Variants in CUX2 observed in about 807,000 individuals in gnomAD.
CUX2 encodes the protein homeobox protein cut-like 2.
In CUX2, 40 loss-of-function variants were observed where a neutral mutation model predicts 144.8. The observed-to-expected ratio is 0.28, with a 90% CI of 0.21 to 0.36. The LOEUF is 0.36. Ranked by LOEUF, CUX2 falls within the 10% of genes least tolerant of loss-of-function variation. The pLI, the probability that CUX2 is intolerant of heterozygous loss-of-function variation, is 1.00. For missense variants in CUX2, 1,615 were observed against 1,994.0 expected, an observed-to-expected ratio of 0.81 and a Z score of 3.62; for synonymous variants, 827 against 875.6, an observed-to-expected ratio of 0.94 and a Z score of 0.98.
intron 4 of CUX2, among the ~76,000 whole-genome samples, chr12:111,276,926 C>T (rs12313485): frequency 0.084 from 12,740 of 152,168 alleles, 1,161 homozygotes; most frequent in African/African-American, 0.23. Context: ...GGATTACAGG[C>T]GTGAGCCACC....
chr12:111,070,028 C>T (rs978744653), intron 1 of CUX2, among the ~76,000 whole-genome samples: 2 of 152,134 alleles, frequency 1.3e-5, no homozygotes, highest in African/African-American at 4.8e-5. Context: ...TGGGGGATGC[C>T]GGCCTGGGAG....
intron 21 of CUX2, among the ~76,000 whole-genome samples, chr12:111,344,066 A>C (rs1434804711): frequency 2.6e-5 from 4 of 152,192 alleles, no homozygotes. Flanking sequence ...CAGATAAATA[A>C]ATAAAATAAA....
chr12:111,326,275 T>C (rs1407021790), intron 18 of CUX2, among the ~76,000 whole-genome samples: 1 of 33,084 alleles, frequency 3.0e-5, no homozygotes, highest in Non-Finnish European at 4.9e-5. Context: ...TATAGTGTTG[T>C]GTTGGGGGAG....
intron 1 of CUX2, among the ~76,000 whole-genome samples, chr12:111,212,740 GTTCC>G (rs763453282): frequency 1.6e-4 from 24 of 152,140 alleles, no homozygotes; most frequent in Non-Finnish European, 3.2e-4. Flanking sequence ...AGAAATAGAA[GTTCC>G]TTCTTGGATT....
intron 1 of CUX2, among the ~76,000 whole-genome samples, chr12:111,209,829 G>T (rs1359765628): frequency 6.6e-6 from 1 of 152,162 alleles, no homozygotes; most frequent in African/African-American, 2.4e-5. Flanking sequence ...CTGCACATTG[G>T]CCCGAGCCTC....
At chr12:111,099,449 G>A (rs1026717749) in intron 1 of CUX2, 18 of 415,182 alleles carry the variant, frequency 4.3e-5, no homozygotes, top group Non-Finnish European at 6.3e-5. Context: ...TGCCAAGCCC[G>A]GAAAGCCAGG....
At chr12:111,251,884 ATCTG>A (rs1278038821) in intron 3 of CUX2, among the ~76,000 whole-genome samples, 1 of 151,908 alleles carries the variant, frequency 6.6e-6, no homozygotes, top group African/African-American at 2.4e-5. Flanking sequence ...CTGTCTCTCT[ATCTG>A]TCTGTATGGG....
At chr12:111,113,474 G>T (rs1378984135) in intron 1 of CUX2, among the ~76,000 whole-genome samples, 1 of 151,016 alleles carries the variant, frequency 6.6e-6, no homozygotes, top group Admixed American at 6.6e-5. Flanking sequence ...TGACCACATT[G>T]CTTTGCCTTT....
At position 111,205,048 on chromosome 12, in the gene CUX2, C is replaced by T. The variant is rs554330241; in HGVS notation, c.64-9152C>T. On this transcript the variant is annotated intron_variant, in intron 1 of 21. Transcript: ENST00000261726. ...AATACATCTTGGCATCTGAAATTTA[C>T]ATACGGCGCAGGGAGTGATGGATGG... Among the ~76,000 whole-genome samples, 3 of 152,328 alleles carry T rather than the reference C, an allele frequency of 2.0e-5. No individual in the cohort carries two copies. The East Asian group carries it at 5.8e-4, about 29-fold the overall frequency.
rs2136367983 is a variant in CUX2 at position 111,308,313 on chromosome 12, A to G, written c.1138A>G (p.Ser380Gly). 1 of 1,614,132 alleles carries G rather than the reference A, an allele frequency of 6.2e-7. No individual in the cohort carries two copies. Among genetic ancestry groups the G allele is most frequent in the South Asian group, 1.1e-5 (1 of 91,078 alleles). Residue 380 changes from serine to glycine, a missense_variant, in exon 13 of 22, where the codon AGC (serine) becomes GGC (glycine). Coordinates refer to ENST00000261726, the MANE Select transcript of CUX2 (RefSeq NM_015267.4). ...CCTGAAAGCCATGAAGCTGGCCTCCAGCACCTGCAGCCTCCCCCAGGTAAG... is the reference window on the plus strand; with the variant it reads ...CCTGAAAGCCATGAAGCTGGCCTCCGGCACCTGCAGCCTCCCCCAGGTAAG... ...SILKAMKLASSTCSLPQGMAK... is the reference protein window; with the variant it reads ...SILKAMKLASGTCSLPQGMAK...
At chr12:111,126,283 AT>A (rs951685620) in intron 1 of CUX2, among the ~76,000 whole-genome samples, 1 of 151,736 alleles carries the variant, frequency 6.6e-6, no homozygotes, top group Non-Finnish European at 1.5e-5. Flanking sequence ...TAATTTTTAT[AT>A]TTTCAGTAGA....
intron 1 of CUX2, among the ~76,000 whole-genome samples, chr12:111,050,651 C>T (rs1870218771): frequency 6.6e-6 from 1 of 152,122 alleles, no homozygotes; most frequent in Admixed American, 6.5e-5. Flanking sequence ...GGATTTACCT[C>T]CTAGATACCT....
At position 111,312,227 on chromosome 12, in the gene CUX2, C is replaced by T. The variant is rs975367965; in HGVS notation, c.2002+26C>T. 1.9e-6 allele frequency: 3 copies of T among 1,570,194 alleles called. No homozygotes were observed. Among genetic ancestry groups the T allele is most frequent in the Non-Finnish European group, 2.6e-6 (3 of 1,152,442 alleles). ...GTGAGTGTGACCCCTGCAGGCAAAG[C>T]CTGAGGCCCCCGGGGCCAGCTGCGA... is the stretch of plus-strand genomic sequence containing the variant. On this transcript the variant is annotated intron_variant, in intron 16 of 21. Coordinates refer to ENST00000261726, the MANE Select transcript of CUX2 (RefSeq NM_015267.4). The surrounding 1 kb of genome is among the most constrained non-coding windows in gnomAD (Gnocchi z 4.3).
intron 3 of CUX2, among the ~76,000 whole-genome samples, chr12:111,234,741 CAG>C (rs1298090766): frequency 7.0e-6 from 1 of 143,174 alleles, no homozygotes; most frequent in Non-Finnish European, 1.5e-5. Context: ...TTTTCTGAGA[CAG>C]AGTCTCCCTC....
Position 111,293,460 on chromosome 12 carries a change from A to G in CUX2, c.451A>G (p.Thr151Ala). ...LLSPKEQREG[T>A]SPAGPTLTEG... Reference sequence around the variant, plus strand: ...TCTCCCTGCAGAGCAGAGAGAGGGGACGTCGCCTGCCGGGCCCACGCTGAC... The same window carrying G: ...TCTCCCTGCAGAGCAGAGAGAGGGGGCGTCGCCTGCCGGGCCCACGCTGAC... Residue 151 changes from threonine (T) to alanine (A), a missense_variant, in exon 6 of 22, where the codon ACG (threonine) becomes GCG (alanine). By Grantham distance (58) the Thr-to-Ala change is moderately conservative. Coordinates refer to ENST00000261726, the MANE Select transcript of CUX2 (RefSeq NM_015267.4). The surrounding 1 kb of genome is among the most constrained non-coding windows in gnomAD (Gnocchi z 4.5). The G allele has an allele frequency of 6.2e-7, 1 of 1,607,912 alleles. No homozygotes were observed. The highest frequency in any genetic ancestry group is 1.1e-5 in the South Asian group (1 of 89,564).
chr12:111,189,316 C>A (rs1479854883), intron 1 of CUX2, among the ~76,000 whole-genome samples: 1 of 152,128 alleles, frequency 6.6e-6, no homozygotes, highest in Non-Finnish European at 1.5e-5. Context: ...CCAGAAACAT[C>A]CCTTGTACCC....
At chr12:111,091,415 G>A (rs771346476) in intron 1 of CUX2, among the ~76,000 whole-genome samples, 5 of 152,106 alleles carry the variant, frequency 3.3e-5, no homozygotes, top group Non-Finnish European at 5.9e-5. Flanking sequence ...ACCGGGCAGC[G>A]TTCACTCCTC....
intron 1 of CUX2, among the ~76,000 whole-genome samples, chr12:111,150,356 C>T (rs1370062685): frequency 6.6e-6 from 1 of 152,220 alleles, no homozygotes; most frequent in East Asian, 1.9e-4. Flanking sequence ...CTTGAACTTG[C>T]CTAGCTTGTC....
Position 111,077,583 on chromosome 12 carries a change from A to G in CUX2, c.63+43343A>G, listed in dbSNP as rs1483654723. Among the ~76,000 whole-genome samples the G allele has an allele frequency of 6.6e-6, 1 of 152,228 alleles. No homozygotes were observed. The highest frequency in any genetic ancestry group is 1.5e-5 in the Non-Finnish European group (1 of 68,040). ...TCAGCAGCTCTCTTGATAACGTATG[A>G]AAGAATCCTATTCTGTTGATTAGAT... On this transcript the variant is annotated intron_variant, in intron 1 of 21. Transcript: ENST00000261726. This position sits in a 1 kb window ranked among gnomAD's most constrained non-coding sequence, Gnocchi z 4.1.
Sources: gnomAD v4.1 joint callset for allele counts (sites outside exome capture counted in the v4.1 genomes callset) on GRCh38, gnomAD v4.1.1 for gene constraint, Gnocchi (gnomAD v3.1) non-coding constraint, MANE v1.5 for transcripts, NCBI Gene and HGNC (gene_info 2026-07-23, HGNC 2026-07-21) for gene names.